The following VWA2 variants were observed in gnomAD, a reference collection of about 807,000 sequenced individuals.
VWA2 encodes the protein von Willebrand factor A domain-containing protein 2.
A neutral mutation model predicts 70.4 loss-of-function variants in VWA2; 73 were observed. That is an observed-to-expected ratio of 1.04 (90% CI 0.86 to 1.26). The LOEUF (loss-of-function observed/expected upper bound fraction) is 1.26, where lower values mean the gene tolerates loss of function less well. Ranked by LOEUF, VWA2 falls within the 50% of genes most tolerant of loss-of-function variation. The probability of loss-of-function intolerance (pLI) is 0.00; values close to 1 mark genes in which losing one functional copy is unlikely to be tolerated. For missense variants in VWA2, 1,011 were observed against 998.5 expected (o/e 1.01, Z -0.17); for synonymous variants, 407 against 423.3 (o/e 0.96, Z 0.47).
At chr10:114,268,948 G>A (rs1335084652) in intron 5 of VWA2, among the ~76,000 whole-genome samples, 3 of 151,884 alleles carry the variant, frequency 2.0e-5, no homozygotes, top group East Asian at 2.0e-4. Context: ...GCCCGCCTCG[G>A]CCTTCCAAAG....
chr10:114,287,145 G>C (rs559298415), intron 11 of VWA2, among the ~76,000 whole-genome samples: 1 of 152,346 alleles, frequency 6.6e-6, no homozygotes, highest in East Asian at 1.9e-4. Flanking sequence ...CCCACGCAGA[G>C]GCCTGGCCCA....
chr10:114,248,653 G>T, intron 1 of VWA2, 51 bp from the exon 2 acceptor site: 1 of 1,522,480 alleles, frequency 6.6e-7, no homozygotes, highest in Non-Finnish European at 9.1e-7. Context: ...GACTTGGGGC[G>T]TTCACAGAAC....
At chr10:114,252,443 G>A (rs367701197) in intron 2 of VWA2, among the ~76,000 whole-genome samples, 1 of 152,108 alleles carries the variant, frequency 6.6e-6, no homozygotes, top group East Asian at 1.9e-4. Context: ...CTAGTGAACG[G>A]GAAGGAGCCG....
Position 114,272,722 on chromosome 10 carries a change from C to T in VWA2, c.372-18C>T, listed in dbSNP as rs757270023. ...CATCATTCACTTTTCTTTCTTTTTT[C>T]CTTCTGGGTGTGCACAGAGGAGGGC... is the stretch of plus-strand genomic sequence containing the variant. On this transcript the variant is annotated intron_variant, in intron 5 of 13. Coordinates refer to ENST00000392982, the MANE Select transcript of VWA2 (RefSeq NM_001272046.2). 2.6e-5 allele frequency: 40 copies of T among 1,543,672 alleles called. No homozygotes were observed. The highest frequency in any genetic ancestry group is 2.0e-5 in the Non-Finnish European group (23 of 1,141,122).
chr10:114,268,543 AC>A (rs958210416), intron 5 of VWA2, among the ~76,000 whole-genome samples: 3 of 152,076 alleles, frequency 2.0e-5, no homozygotes, highest in African/African-American at 7.2e-5. Flanking sequence ...CGCCTGGCAC[AC>A]GCTAAGTGCC....
At chr10:114,250,663 G>C (rs2037176176) in intron 2 of VWA2, among the ~76,000 whole-genome samples, 1 of 152,226 alleles carries the variant, frequency 6.6e-6, no homozygotes, top group Non-Finnish European at 1.5e-5. Context: ...TTGAGGGCTG[G>C]TGGCTCCAGC....
At chr10:114,285,900 A>G (rs2133564072) in intron 10 of VWA2, 39 bp from the exon 11 acceptor site, 1 of 1,543,926 alleles carries the variant, frequency 6.5e-7, no homozygotes, top group Admixed American at 1.8e-5. Flanking sequence ...ATGCCGCATG[A>G]CCATGGCTTG....
intron 1 of VWA2, among the ~76,000 whole-genome samples, chr10:114,244,921 A>C (rs781310968): frequency 6.6e-6 from 1 of 152,198 alleles, no homozygotes; most frequent in African/African-American, 2.4e-5. Flanking sequence ...GACCTCCCCT[A>C]CTATACATCA....
At chr10:114,264,869 G>A (rs1250575035) in intron 5 of VWA2, among the ~76,000 whole-genome samples, 6 of 152,144 alleles carry the variant, frequency 3.9e-5, no homozygotes, top group East Asian at 1.9e-4. Context: ...ATAGGCGCTC[G>A]TCACCATGCC....
chr10:114,281,200 T>A (rs2038083661), intron 8 of VWA2: 1 of 152,250 alleles, frequency 6.6e-6, no homozygotes, highest in East Asian at 1.9e-4. Flanking sequence ...TGGAGAACTT[T>A]AGGGAATGTT....
intron 8 of VWA2, 83 bp downstream of exon 8, chr10:114,278,934 C>A: frequency 6.4e-7 from 1 of 1,573,984 alleles, no homozygotes; most frequent in Non-Finnish European, 8.6e-7. Context: ...TACTTTGGGG[C>A]CCTGCCATGG....
chr10:114,245,077 G>A (rs1011147218), intron 1 of VWA2, among the ~76,000 whole-genome samples: 1 of 152,226 alleles, frequency 6.6e-6, no homozygotes, highest in Admixed American at 6.5e-5. Flanking sequence ...GGGGGACAGG[G>A]GAGGGAGGTG....
Position 114,286,124 on chromosome 10 carries a change from G to T in VWA2, c.1183G>T (p.Val395Leu), listed in dbSNP as rs1331960244. The change falls in exon 11 of 14, where the codon GTG becomes TTG. Residue 395 changes from valine to leucine, a missense_variant. Transcript: ENST00000392982. ...ATYSRELLVA[V>L]PVGEYQDVPD... ...ATACAGCAGGGAGCTGCTGGTGGCGGTGCCTGTGGGGGAGTACCAGGATGT... is the reference window on the plus strand; with the variant it reads ...ATACAGCAGGGAGCTGCTGGTGGCGTTGCCTGTGGGGGAGTACCAGGATGT... 6.2e-6 allele frequency: 10 copies of T among 1,614,138 alleles called. No individual in the cohort carries two copies. In the East Asian group the frequency reaches 2.2e-4, roughly 36 times the overall value.
rs774546528 is a variant in VWA2 at position 114,253,642 on chromosome 10, C to A, written c.53-9C>A. 1 of 1,611,166 alleles carries A rather than the reference C, an allele frequency of 6.2e-7. No homozygotes were observed. The highest frequency in any genetic ancestry group is 1.3e-5 in the African/African-American group (1 of 74,880). On this transcript the variant is annotated splice_polypyrimidine_tract_variant and intron_variant, in intron 2 of 13. Coordinates refer to ENST00000392982, the MANE Select transcript of VWA2 (RefSeq NM_001272046.2). ...TTTTAATGGCTGCTTCTGGTGTTTT[C>A]TCTCCTAGTGCCCCCATCTCTCCCT...
rs140930475 is a variant in VWA2, at chr10:114,284,921, C to G, written c.948C>G (p.Asp316Glu). ...NGGTCVPEGL[D>E]GYQCLCPLAF... ...GCACATGTGTTCCAGAAGGACTGGACGGCTACCAGTGCCTCTGCCCGCTGG... is the reference window on the plus strand; with the variant it reads ...GCACATGTGTTCCAGAAGGACTGGAGGGCTACCAGTGCCTCTGCCCGCTGG... Residue 316 changes from aspartate (D) to glutamate (E), a missense_variant, in exon 10 of 14, where the codon GAC (aspartate) becomes GAG (glutamate). Physicochemically the swap from Asp to Glu is conservative, Grantham distance 45 (BLOSUM62 2). Coordinates refer to ENST00000392982, the MANE Select transcript of VWA2 (RefSeq NM_001272046.2). The G allele has an allele frequency of 1.2e-6, 2 of 1,605,416 alleles. No homozygotes were observed. The highest frequency in any genetic ancestry group is 8.5e-7 in the Non-Finnish European group (1 of 1,177,030).
At position 114,291,932 on chromosome 10, in the gene VWA2, C is replaced by A. The variant is rs796525476; in HGVS notation, c.*695C>A. On this transcript the variant is annotated 3_prime_UTR_variant, in exon 14 of 14. Coordinates refer to ENST00000392982, the MANE Select transcript of VWA2 (RefSeq NM_001272046.2). ...AATGGGCCCAGGTCTGGAGGGGCCA[C>A]GTAAAATCGTTCTGAGTCGTGAGCA... 1.3e-5 allele frequency among the ~76,000 whole-genome samples: 2 copies of A among 152,084 alleles called. No individual in the cohort carries two copies. Among genetic ancestry groups the A allele is most frequent in the Non-Finnish European group, 2.9e-5 (2 of 68,026 alleles).
rs2039608306 is a variant in VWA2, at chr10:114,291,622, A to G, written c.*385A>G. The G allele has an allele frequency of 5.0e-6, 1 of 200,266 alleles. No homozygotes were observed. Among genetic ancestry groups the G allele is most frequent in the Admixed American group, 5.3e-5 (1 of 19,010 alleles). 12.4% of individuals were successfully genotyped at this position (200,266 alleles called of 1,614,324 possible). On this transcript the variant is annotated 3_prime_UTR_variant, in exon 14 of 14. Coordinates refer to ENST00000392982, the MANE Select transcript of VWA2 (RefSeq NM_001272046.2). The stretch of plus-strand genomic sequence containing the variant: ...GCCTGACGTTCCTTTGCACACAATC[A>G]ATGCTCGCCAGAATGTTGTTGACAC...
chr10:114,245,616 A>T (rs1344159837), intron 1 of VWA2, among the ~76,000 whole-genome samples: 3 of 152,152 alleles, frequency 2.0e-5, no homozygotes. Context: ...GGGAAAAAAA[A>T]AATGTCCTTA....
In VWA2 at chr10:114,289,322, C is replaced by T. The variant is rs2039305696; in HGVS notation, c.1955C>T (p.Ala652Val). ...GGCGCAGAGGATGCAGCCGTTCCTG[C>T]CCAGAAGCTGAGGAACAATGGCATC... ...GRGAEDAAVPAQKLRNNGISV... is the reference protein window; with the variant it reads ...GRGAEDAAVPVQKLRNNGISV... The change falls in exon 12 of 14, where the codon GCC (alanine) becomes GTC (valine). Residue 652 changes from alanine to valine, a missense_variant. By Grantham distance (64) the Ala-to-Val change is moderately conservative. Coordinates refer to ENST00000392982, the MANE Select transcript of VWA2 (RefSeq NM_001272046.2). The T allele has an allele frequency of 6.2e-7, 1 of 1,614,214 alleles. No homozygotes were observed. Among genetic ancestry groups the T allele is most frequent in the South Asian group, 1.1e-5 (1 of 91,086 alleles).
Sources: gnomAD v4.1 joint callset for allele counts (sites outside exome capture counted in the v4.1 genomes callset) on GRCh38, gnomAD v4.1.1 for gene constraint, MANE v1.5 for transcripts, NCBI Gene and HGNC (gene_info 2026-07-23, HGNC 2026-07-21) for gene names.